Variants in NRXN3 observed in about 807,000 individuals in gnomAD.
NRXN3 encodes the protein neurexin III.
NRXN3 carries 32 observed loss-of-function variants against 137.6 expected under a neutral mutation model. That is an observed-to-expected ratio of 0.23 (90% confidence interval 0.18 to 0.31). The LOEUF (loss-of-function observed/expected upper bound fraction) is 0.31. Ranked by LOEUF, NRXN3 falls within the 10% of genes least tolerant of loss-of-function variation. The pLI is 1.00. For synonymous variants in NRXN3, 798 were observed against 784.5 expected, an observed-to-expected ratio of 1.02 and a Z score of -0.29; for missense variants, 1,574 against 2,062.5, an observed-to-expected ratio of 0.76 and a Z score of 4.59.
chr14:78,934,983 A>AAAG (rs1371077248), intron 10 of NRXN3, among the ~76,000 whole-genome samples: 2 of 149,396 alleles, frequency 1.3e-5, no homozygotes, highest in Middle Eastern at 3.2e-3. Flanking sequence ...AATAATAATA[A>AAAG]AAGAAGAAAT....
chr14:78,980,027 A>C (rs2099485404), intron 14 of NRXN3, among the ~76,000 whole-genome samples: 1 of 152,204 alleles, frequency 6.6e-6, no homozygotes, highest in African/African-American at 2.4e-5. Flanking sequence ...TTCCCATGGA[A>C]GCTGTGGTTT....
chr14:78,957,113 G>A, intron 10 of NRXN3, 129 bp from the exon 11 acceptor site: 1 of 969,860 alleles, frequency 1.0e-6, no homozygotes, highest in Non-Finnish European at 1.5e-6. Context: ...AAATTCGAAT[G>A]GACTTTGGGT....
chr14:79,797,109 G>A (rs751327943), intron 19 of NRXN3, among the ~76,000 whole-genome samples: 2 of 152,164 alleles, frequency 1.3e-5, no homozygotes, highest in South Asian at 2.1e-4. Flanking sequence ...CAATGCAAAT[G>A]TCAGTACAAA....
chr14:78,390,192 T>C (rs531769423), intron 4 of NRXN3, among the ~76,000 whole-genome samples: 1 of 152,330 alleles, frequency 6.6e-6, no homozygotes, highest in Admixed American at 6.5e-5. Flanking sequence ...TAAGTGCTTA[T>C]TGGGCTATAC....
Position 79,641,900 on chromosome 14 carries a change from C to G in NRXN3, c.3445-21878C>G, listed in dbSNP as rs537192319. 2.2e-5 allele frequency among the ~76,000 whole-genome samples: 3 copies of G among 135,432 alleles called. 1 individual carries two copies. The highest frequency in any genetic ancestry group is 1.6e-4 in the Admixed American group (2 of 12,810). The allele number at this position is 135,432 out of a possible 152,430, so 88.8% of individuals were successfully genotyped here. ...TTCAAAATATCCCTCCTTATGCATACTTCCCACTGCTTAGATGTCTATACT... is the reference window on the plus strand; with the variant it reads ...TTCAAAATATCCCTCCTTATGCATAGTTCCCACTGCTTAGATGTCTATACT... On this transcript the variant is annotated intron_variant, in intron 16 of 20. Coordinates refer to ENST00000335750, the MANE Select transcript of NRXN3 (RefSeq NM_001330195.2).
rs567714316 is a variant in NRXN3, at chr14:78,645,883, GA to G, written c.1059+467del. Among the ~76,000 whole-genome samples the G allele has an allele frequency of 1.6e-4, 25 of 152,124 alleles. 1 individual carries two copies. The South Asian group carries it at 5.2e-3, about 32-fold the overall frequency. On this transcript the variant is annotated intron_variant, in intron 5 of 20. Transcript: ENST00000335750. ...GATGCCATAATTTTAATTCCTTCCA[GA>G]AAAAGTCTTCCTTTTCCTCTTTTAA...
At chr14:78,563,237 G>T (rs1173387421) in intron 4 of NRXN3, among the ~76,000 whole-genome samples, 2 of 152,184 alleles carry the variant, frequency 1.3e-5, no homozygotes, top group Non-Finnish European at 2.9e-5. Flanking sequence ...GCTATATTTT[G>T]TTGATCAAAA....
At chr14:78,301,746 G>T (rs2076895427) in intron 4 of NRXN3, among the ~76,000 whole-genome samples, 1 of 152,168 alleles carries the variant, frequency 6.6e-6, no homozygotes, top group Non-Finnish European at 1.5e-5. Context: ...CATGGATTCA[G>T]TGACACGTCT....
intron 4 of NRXN3, among the ~76,000 whole-genome samples, chr14:78,564,718 C>G (rs8022715): frequency 6.6e-6 from 1 of 152,134 alleles, no homozygotes; most frequent in African/African-American, 2.4e-5. Context: ...TACTGTTTCC[C>G]TAGGCTGTTG....
chr14:79,349,617 C>T (rs1485915398), intron 15 of NRXN3, among the ~76,000 whole-genome samples: 1 of 151,024 alleles, frequency 6.6e-6, no homozygotes, highest in African/African-American at 2.4e-5. Flanking sequence ...ATGTTGATGT[C>T]CTAACCTCTA....
chr14:79,478,811 A>G (rs963150388), intron 16 of NRXN3, among the ~76,000 whole-genome samples: 7 of 151,978 alleles, frequency 4.6e-5, no homozygotes, highest in African/African-American at 1.4e-4. Flanking sequence ...AGATGGTTGT[A>G]GTTTCCAATA....
At chr14:78,936,238 A>G (rs2099338278) in intron 10 of NRXN3, among the ~76,000 whole-genome samples, 1 of 152,142 alleles carries the variant, frequency 6.6e-6, no homozygotes, top group African/African-American at 2.4e-5. Context: ...TTTGCCTTCA[A>G]TTACCTCTGC....
At chr14:78,655,957 G>T (rs2097781133) in intron 6 of NRXN3, among the ~76,000 whole-genome samples, 1 of 151,990 alleles carries the variant, frequency 6.6e-6, no homozygotes, top group African/African-American at 2.4e-5. Context: ...GTTCTCTAGG[G>T]TCCCTTTTAT....
chr14:79,408,671 TA>T (rs2095358906), intron 15 of NRXN3, among the ~76,000 whole-genome samples: 1 of 152,010 alleles, frequency 6.6e-6, no homozygotes, highest in African/African-American at 2.4e-5. Context: ...AATACAGATA[TA>T]AAAACTTTAT....
At chr14:79,000,760 G>T (rs1159930523) in intron 15 of NRXN3, among the ~76,000 whole-genome samples, 1 of 152,064 alleles carries the variant, frequency 6.6e-6, no homozygotes, top group Non-Finnish European at 1.5e-5. Context: ...ACATGTCATG[G>T]ACACAATCGT....
chr14:79,510,206 T>C (rs1213852286), intron 16 of NRXN3, among the ~76,000 whole-genome samples: 4 of 152,190 alleles, frequency 2.6e-5, no homozygotes, highest in African/African-American at 9.7e-5. Context: ...AAAAGGTTTC[T>C]TAAGGAAGAA....
At chr14:78,281,481 G>A (rs762985335) in intron 3 of NRXN3, among the ~76,000 whole-genome samples, 2 of 152,128 alleles carry the variant, frequency 1.3e-5, no homozygotes, top group Non-Finnish European at 2.9e-5. Flanking sequence ...GGGCCTGGTG[G>A]GCAACACCTT....
chr14:79,299,122 G>A (rs1190458169), intron 15 of NRXN3, among the ~76,000 whole-genome samples: 2 of 152,078 alleles, frequency 1.3e-5, no homozygotes, highest in African/African-American at 2.4e-5. Flanking sequence ...TTATTTATTT[G>A]CTTTTGTTTT....
chr14:78,456,136 G>A (rs867949003), intron 4 of NRXN3, among the ~76,000 whole-genome samples: 8 of 152,110 alleles, frequency 5.3e-5, no homozygotes, highest in South Asian at 2.1e-4. Flanking sequence ...GTAAACAGTC[G>A]CAGGACAAAC....
Sources: allele counts gnomAD v4.1 joint callset (sites outside exome capture counted in the v4.1 genomes callset), GRCh38; gene constraint gnomAD v4.1.1; transcripts MANE v1.5; gene names NCBI Gene and HGNC (gene_info 2026-07-23, HGNC 2026-07-21).